Variants in CPQ observed in about 807,000 individuals in gnomAD.
CPQ encodes Ser-Met dipeptidase.
CPQ carries 37 observed loss-of-function variants against 45.7 expected under a neutral mutation model. The ratio of observed to expected loss-of-function variants is 0.81; its 90% CI spans 0.62 to 1.07. The LOEUF is 1.07. Among genes scored for constraint, CPQ ranks in the 50% least tolerant of loss-of-function variants. CPQ has a pLI of 0.00. For missense variants in CPQ, 537 were observed against 572.9 expected, an observed-to-expected ratio of 0.94 and a Z score of 0.64; for synonymous variants, 186 against 205.8, an observed-to-expected ratio of 0.90 and a Z score of 0.82.
At chr8:96,976,652 A>G (rs1186145549) in intron 5 of CPQ, among the ~76,000 whole-genome samples, 1 of 152,232 alleles carries the variant, frequency 6.6e-6, no homozygotes, top group Non-Finnish European at 1.5e-5. Context: ...AAAAATAGGC[A>G]TATAGACCAA....
At chr8:96,697,060 A>C (rs1809394373) in intron 1 of CPQ, among the ~76,000 whole-genome samples, 1 of 152,180 alleles carries the variant, frequency 6.6e-6, no homozygotes, top group African/African-American at 2.4e-5. Flanking sequence ...ACAATGACAC[A>C]TTGAAAGACA....
At chr8:96,963,221 A>G (rs1027448057) in intron 4 of CPQ, among the ~76,000 whole-genome samples, 1 of 152,238 alleles carries the variant, frequency 6.6e-6, no homozygotes, top group Non-Finnish European at 1.5e-5. Context: ...ACATTTTTAC[A>G]CTTTTAATCC....
chr8:96,908,207 GAGAC>G (rs1812605645), intron 4 of CPQ, among the ~76,000 whole-genome samples: 1 of 151,888 alleles, frequency 6.6e-6, no homozygotes, highest in South Asian at 2.1e-4. Context: ...AGAGAAGAGA[GAGAC>G]AGAAAGAGAA....
intron 2 of CPQ, among the ~76,000 whole-genome samples, chr8:96,794,438 T>C (rs1015953099): frequency 1.3e-5 from 2 of 152,126 alleles, no homozygotes; most frequent in Non-Finnish European, 2.9e-5. Flanking sequence ...AGTATGAGGA[T>C]CCTGGGCCCA....
At chr8:96,726,707 C>T (rs1385151782) in intron 1 of CPQ, among the ~76,000 whole-genome samples, 3 of 152,092 alleles carry the variant, frequency 2.0e-5, no homozygotes, top group African/African-American at 7.2e-5. Context: ...CCAACAATAG[C>T]GATTACAACT....
intron 1 of CPQ, among the ~76,000 whole-genome samples, chr8:96,667,418 G>A (rs1808940520): frequency 1.4e-5 from 2 of 147,848 alleles, no homozygotes; most frequent in African/African-American, 5.0e-5. Flanking sequence ...GCACGATCTC[G>A]GCTCACTGCA....
chr8:96,878,109 G>A (rs938515579), intron 3 of CPQ, among the ~76,000 whole-genome samples: 37 of 152,086 alleles, frequency 2.4e-4, no homozygotes, highest in Admixed American at 2.6e-4. Flanking sequence ...GGGATTACAG[G>A]CATGTGCCAC....
chr8:97,050,095 A>T (rs1447631166), intron 6 of CPQ, among the ~76,000 whole-genome samples: 1 of 152,186 alleles, frequency 6.6e-6, no homozygotes, highest in Non-Finnish European at 1.5e-5. Flanking sequence ...TCCATGATTC[A>T]TGGCTGGCTA....
In CPQ at chr8:96,807,469, G is replaced by A. The variant is rs557440198; in HGVS notation, c.433+22139G>A. Reference sequence around the variant, plus strand: ...AGGATGGTCTCGATCTCCTGACCTCGTGATCCACCCGCCTGGACCTCCCAA... The same window carrying A: ...AGGATGGTCTCGATCTCCTGACCTCATGATCCACCCGCCTGGACCTCCCAA... On this transcript the variant is annotated intron_variant, in intron 2 of 7. Transcript: ENST00000220763. Among the ~76,000 whole-genome samples, 326 of 152,180 alleles carry A rather than the reference G, an allele frequency of 2.1e-3. 1 individual carries two copies. Among genetic ancestry groups the A allele is most frequent in the Middle Eastern group, 6.8e-3 (2 of 294 alleles).
At chr8:96,656,612 A>T (rs1425010454) in intron 1 of CPQ, among the ~76,000 whole-genome samples, 1 of 152,132 alleles carries the variant, frequency 6.6e-6, no homozygotes, top group Non-Finnish European at 1.5e-5. Flanking sequence ...TTTCTGCGTC[A>T]GGCAATTCCA....
chr8:96,874,908 A>G (rs1168989078), intron 3 of CPQ, among the ~76,000 whole-genome samples: 2 of 151,894 alleles, frequency 1.3e-5, no homozygotes, highest in Non-Finnish European at 1.5e-5. Context: ...TTTTTGAAGA[A>G]CTGTCAAATT....
At chr8:97,135,733 A>C (rs971344007) in intron 7 of CPQ, among the ~76,000 whole-genome samples, 1 of 152,170 alleles carries the variant, frequency 6.6e-6, no homozygotes, top group Non-Finnish European at 1.5e-5. Flanking sequence ...ATGTGTTTAT[A>C]AAAGGAGAAA....
intron 7 of CPQ, among the ~76,000 whole-genome samples, chr8:97,136,670 A>G (rs1317909802): frequency 6.6e-6 from 1 of 152,114 alleles, no homozygotes; most frequent in Non-Finnish European, 1.5e-5. Context: ...ATGTCTTCAC[A>G]TTCTTAAACT....
chr8:97,133,315 A>G (rs2130624900), intron 7 of CPQ: 1 of 152,292 alleles, frequency 6.6e-6, no homozygotes, highest in East Asian at 1.9e-4. Flanking sequence ...CACACTTTCT[A>G]CCTGAAGGCC....
chr8:96,958,557 T>C (rs1169041034), intron 4 of CPQ, among the ~76,000 whole-genome samples: 1 of 152,198 alleles, frequency 6.6e-6, no homozygotes, highest in Non-Finnish European at 1.5e-5. Flanking sequence ...TGTTCCCCTA[T>C]CATTGTCAAA....
In CPQ at chr8:96,860,107, C is replaced by T. The variant is rs114489567; in HGVS notation, c.642-19691C>T. ...AGAGTTCTATGAACTCTTTTAGAGA[C>T]TCTGAGCACACTGAAAGCTTACCTG... On this transcript the variant is annotated intron_variant, in intron 3 of 7. Coordinates refer to ENST00000220763, the MANE Select transcript of CPQ (RefSeq NM_016134.4). Among the ~76,000 whole-genome samples the T allele has an allele frequency of 5.9e-3, 905 of 152,222 alleles. 12 individuals are homozygous for T. The highest frequency in any genetic ancestry group is 0.021 in the African/African-American group (854 of 41,532).
intron 7 of CPQ, 72 bp downstream of exon 7, chr8:97,066,282 G>A: frequency 7.2e-7 from 1 of 1,383,348 alleles, no homozygotes; most frequent in Non-Finnish European, 9.9e-7. Flanking sequence ...TGTTTTAATA[G>A]AGCACAATGA....
chr8:96,910,590 C>T (rs962048704), intron 4 of CPQ, among the ~76,000 whole-genome samples: 8 of 152,228 alleles, frequency 5.3e-5, no homozygotes, highest in East Asian at 3.9e-4. Flanking sequence ...CTGCAAGCTC[C>T]GCCTCCTGGG....
intron 7 of CPQ, among the ~76,000 whole-genome samples, chr8:97,072,726 A>G (rs1204339495): frequency 6.6e-6 from 1 of 151,856 alleles, no homozygotes; most frequent in Non-Finnish European, 1.5e-5. Flanking sequence ...ATTTCTACTC[A>G]CTCATGATGC....
Sources: gnomAD v4.1 joint callset for allele counts (sites outside exome capture counted in the v4.1 genomes callset) on GRCh38, gnomAD v4.1.1 for gene constraint, MANE v1.5 for transcripts, NCBI Gene and HGNC (gene_info 2026-07-23, HGNC 2026-07-21) for gene names.